The following TDRD1 variants were observed in gnomAD, a reference collection of about 807,000 sequenced individuals.
The protein encoded by TDRD1 is tudor domain-containing protein 1.
TDRD1 carries 37 observed loss-of-function variants against 140.6 expected under a neutral mutation model. The observed-to-expected ratio is 0.26, with a 90% confidence interval of 0.20 to 0.35. The LOEUF is 0.35. TDRD1 is among the 10% of genes least tolerant of loss of function. The pLI is 1.00. For missense variants in TDRD1, 1,243 were observed against 1,393.0 expected, an observed-to-expected ratio of 0.89 and a Z score of 1.71; for synonymous variants, 506 against 475.7, an observed-to-expected ratio of 1.06 and a Z score of -0.83.
chr10:114,215,408 C>T (rs2035757548), intron 16 of TDRD1, among the ~76,000 whole-genome samples: 1 of 152,048 alleles, frequency 6.6e-6, no homozygotes, highest in African/African-American at 2.4e-5. Context: ...GAGTCCAAAC[C>T]TAGGAATGAA....
At chr10:114,190,870 A>G in intron 2 of TDRD1, 91 bp from the exon 3 acceptor site, 2 of 1,245,046 alleles carry the variant, frequency 1.6e-6, no homozygotes, top group East Asian at 2.4e-5. Flanking sequence ...TAGCCCTGTT[A>G]CTTGAATATC....
intron 14 of TDRD1, 42 bp downstream of exon 14, chr10:114,212,078 C>A: frequency 6.6e-7 from 1 of 1,520,560 alleles, no homozygotes; most frequent in Non-Finnish European, 8.8e-7. Context: ...AAAAATTCTA[C>A]AGATGAAGAA....
At chr10:114,177,835 T>C (rs899297729), upstream of TDRD1, among the ~76,000 whole-genome samples, 10 of 82,560 alleles carry the variant, frequency 1.2e-4, no homozygotes, top group African/African-American at 5.4e-4. Context: ...TTTCTTTTTC[T>C]TTTTTTTTTT....
At chr10:114,176,695 G>A (rs1301209316), upstream of TDRD1, among the ~76,000 whole-genome samples, 1 of 152,228 alleles carries the variant, frequency 6.6e-6, no homozygotes, top group Non-Finnish European at 1.5e-5. This position sits in a 1 kb window ranked among gnomAD's most constrained non-coding sequence, Gnocchi z 4.2. Flanking sequence ...GATGGCTTGA[G>A]TCCAGCAGTT....
intron 1 of TDRD1, among the ~76,000 whole-genome samples, chr10:114,184,879 G>A (rs1487346543): frequency 6.6e-6 from 1 of 152,048 alleles, no homozygotes; most frequent in Non-Finnish European, 1.5e-5. Context: ...AGATTTGTGT[G>A]TATTGTGATG....
chr10:114,197,889 C>T (rs1200861717), intron 3 of TDRD1, among the ~76,000 whole-genome samples: 2 of 152,132 alleles, frequency 1.3e-5, no homozygotes, highest in Non-Finnish European at 2.9e-5. Flanking sequence ...CTCATGACCT[C>T]AAGACGTCTG....
chr10:114,202,971 GAGTT>G (rs1292040535), intron 6 of TDRD1, 97 bp from the exon 7 acceptor site: 42 of 769,720 alleles, frequency 5.5e-5, no homozygotes, highest in East Asian at 4.4e-4. Flanking sequence ...TCAAGCCTAA[GAGTT>G]AGGATATTGT....
chr10:114,188,865 TAAAAC>T (rs1469681851), intron 2 of TDRD1, among the ~76,000 whole-genome samples: 2 of 37,198 alleles, frequency 5.4e-5, no homozygotes, highest in African/African-American at 1.0e-4. Context: ...CAAAACAAAA[TAAAAC>T]AAAATGAAAA....
At chr10:114,190,207 AT>A (rs1423031387) in intron 2 of TDRD1, among the ~76,000 whole-genome samples, 1 of 152,064 alleles carries the variant, frequency 6.6e-6, no homozygotes, top group African/African-American at 2.4e-5. Flanking sequence ...AAAATGTGTA[AT>A]TCTTCTATAT....
intron 18 of TDRD1, among the ~76,000 whole-genome samples, chr10:114,219,742 C>T (rs2036032328): frequency 6.6e-6 from 1 of 151,992 alleles, no homozygotes; most frequent in Non-Finnish European, 1.5e-5. Flanking sequence ...AGGCATGTGC[C>T]ACCACGCCCA....
exon 22 of TDRD1, chr10:114,226,089 A>AGACACT (rs1283904556): frequency 1.2e-6 from 2 of 1,613,954 alleles, no homozygotes; most frequent in African/African-American, 2.7e-5. Flanking sequence ...TGGGGACATC[A>AGACACT]GACACTGATG....
upstream of TDRD1, chr10:114,179,221 A>ACACGTGGGCACATTGAGTTG (rs1385920979): frequency 5.9e-5 from 9 of 152,442 alleles, no homozygotes; most frequent in African/African-American, 2.2e-4. Flanking sequence ...GGCGGAGGGA[A>ACACGTGGGCACATTGAGTTG]CACGTGGGCA....
chr10:114,220,278 A>G (rs991914655), intron 18 of TDRD1, among the ~76,000 whole-genome samples: 1 of 152,252 alleles, frequency 6.6e-6, no homozygotes, highest in African/African-American at 2.4e-5. Context: ...ACAGAACATG[A>G]TGGTGAATTC....
intron 10 of TDRD1, among the ~76,000 whole-genome samples, chr10:114,205,806 T>C (rs2035062709): frequency 6.6e-6 from 1 of 152,200 alleles, no homozygotes; most frequent in African/African-American, 2.4e-5. Flanking sequence ...TACTATTCGA[T>C]AGCACAATAG....
intron 3 of TDRD1, among the ~76,000 whole-genome samples, chr10:114,192,009 G>A (rs953303528): frequency 6.6e-6 from 1 of 150,986 alleles, no homozygotes; most frequent in Admixed American, 6.6e-5. Context: ...TTTGCCATCT[G>A]TGCATCTTTG....
At chr10:114,212,168 T>A in intron 14 of TDRD1, 132 bp downstream of exon 14, 1 of 768,668 alleles carries the variant, frequency 1.3e-6, no homozygotes, top group Non-Finnish European at 1.9e-6. Flanking sequence ...TTACTATAAA[T>A]GTCATTTATC....
At chr10:114,214,228 G>A in intron 16 of TDRD1, 114 bp downstream of exon 16, 1 of 848,442 alleles carries the variant, frequency 1.2e-6, no homozygotes, top group Non-Finnish European at 1.8e-6. Context: ...AGAGCCAAGT[G>A]GTATTTGTAT....
chr10:114,198,344 T>A (rs1428294206), intron 3 of TDRD1, among the ~76,000 whole-genome samples: 1 of 152,170 alleles, frequency 6.6e-6, no homozygotes, highest in Non-Finnish European at 1.5e-5. Context: ...TGTTGCCAGG[T>A]GGAAATCCGG....
At chr10:114,219,656 C>T (rs1307308176) in intron 18 of TDRD1, among the ~76,000 whole-genome samples, 4 of 148,988 alleles carry the variant, frequency 2.7e-5, no homozygotes, top group Non-Finnish European at 4.4e-5. Context: ...GGCACAATCT[C>T]GGCTCACTGC....
Sources: allele counts gnomAD v4.1 joint callset (sites outside exome capture counted in the v4.1 genomes callset), GRCh38; gene constraint gnomAD v4.1.1; non-coding constraint Gnocchi (gnomAD v3.1); transcripts MANE v1.5; gene names NCBI Gene and HGNC (gene_info 2026-07-23, HGNC 2026-07-21).